ZNF316: variants seen among roughly 807,000 people sequenced by gnomAD.
The protein encoded by ZNF316 is zinc finger protein 316.
In ZNF316, 23 loss-of-function variants were observed where a neutral mutation model predicts 75.6. The observed-to-expected ratio is 0.30, with a 90% confidence interval of 0.22 to 0.43. The LOEUF is 0.43. ZNF316 is among the 20% of genes least tolerant of loss of function. The pLI is 1.00. For synonymous variants in ZNF316, 827 were observed against 666.2 expected, an observed-to-expected ratio of 1.24 and a Z score of -3.72; for missense variants, 1,266 against 1,409.4, an observed-to-expected ratio of 0.90 and a Z score of 1.63.
At position 6,653,772 on chromosome 7, in the gene ZNF316, A is replaced by G; in HGVS notation, c.2176A>G (p.Lys726Glu). The part of the protein sequence containing the change: ...ERPHRCADCG[K>E]SFVYGSHLAR... The stretch of plus-strand genomic sequence containing the variant: ...GCCGCATCGCTGCGCCGACTGCGGC[A>G]AGAGCTTCGTGTACGGCTCGCACCT... Residue 726 changes from lysine (K) to glutamate (E), a missense_variant, in exon 9 of 9, where the codon AAG becomes GAG. By Grantham distance (56) the Lys-to-Glu change is moderately conservative (BLOSUM62 1). Transcript: ENST00000382252. 9.2e-7 allele frequency: 1 copy of G among 1,087,220 alleles called. No individual in the cohort carries two copies. The highest frequency in any genetic ancestry group is 1.1e-6 in the Non-Finnish European group (1 of 893,876). 67.3% of individuals were successfully genotyped at this position (1,087,220 alleles called of 1,614,324 possible).
At position 6,657,692 on chromosome 7, in the gene ZNF316, C is replaced by G. The variant is rs1192501603; in HGVS notation, c.*3081C>G. On this transcript the variant is annotated 3_prime_UTR_variant, in exon 9 of 9. Transcript: ENST00000382252. ...AAAACTCTTGTCTCTATAAAAAATACAAAAATTAGCTGGGTGTGGTGGCGC... is the reference window on the plus strand; with the variant it reads ...AAAACTCTTGTCTCTATAAAAAATAGAAAAATTAGCTGGGTGTGGTGGCGC... 6.6e-6 allele frequency among the ~76,000 whole-genome samples: 1 copy of G among 151,744 alleles called. No individual in the cohort carries two copies. Among genetic ancestry groups the G allele is most frequent in the Non-Finnish European group, 1.5e-5 (1 of 67,956 alleles).
At chr7:6,645,433 C>G (rs1290414481) in intron 8 of ZNF316, among the ~76,000 whole-genome samples, 1 of 152,162 alleles carries the variant, frequency 6.6e-6, no homozygotes, top group Non-Finnish European at 1.5e-5. Flanking sequence ...CCTATAATCC[C>G]AGCACTTTGG....
rs745904288 is a variant in ZNF316 at position 6,642,459 on chromosome 7, G to A, written c.50G>A (p.Arg17Gln). Residue 17 changes from arginine (R) to glutamine (Q), a missense_variant, in exon 5 of 9, where the codon CGG (arginine) becomes CAG (glutamine). Physicochemically the swap from Arg to Gln is conservative, Grantham distance 43. Transcript: ENST00000382252. This position sits in a 1 kb window ranked among gnomAD's most constrained non-coding sequence, Gnocchi z 8.1. Reference protein sequence around the residue: ...TPDSPAAQLERAEDGSECDPD... With the variant: ...TPDSPAAQLEQAEDGSECDPD... ...GACTCCCCAGCTGCCCAGCTGGAGC[G>A]GGCAGAGGACGGGTCAGAGTGCGAC... 4.9e-5 allele frequency: 60 copies of A among 1,232,286 alleles called. No individual in the cohort carries two copies. The highest frequency in any genetic ancestry group is 6.2e-5 in the African/African-American group (4 of 64,408). 76.3% of individuals were successfully genotyped at this position (1,232,286 alleles called of 1,614,324 possible).
rs1779520427 is a variant in ZNF316 at position 6,652,288 on chromosome 7, C to T, written c.707-15C>T. The T allele has an allele frequency of 1.4e-5, 17 of 1,232,210 alleles. No homozygotes were observed. Among genetic ancestry groups the T allele is most frequent in the Non-Finnish European group, 1.6e-5 (16 of 988,070 alleles). The allele number at this position is 1,232,210 out of a possible 1,614,324, so 76.3% of individuals were successfully genotyped here. On this transcript the variant is annotated splice_polypyrimidine_tract_variant and intron_variant, in intron 8 of 8. Transcript: ENST00000382252. ...CACTTACCTCTCTCTTCTGGCCTGC[C>T]TTTGTCACCTTCAGGAGCCTGGTTC...
rs1443730062 is a variant in ZNF316, at chr7:6,653,565, G to T, written c.1969G>T (p.Gly657Trp). Residue 657 changes from glycine (G) to tryptophan (W), a missense_variant, in exon 9 of 9, where the codon GGG becomes TGG. By Grantham distance (184) the Gly-to-Trp change is radical. This residue lies in a region of ZNF316 where 961 missense variants were observed against 990.9 expected (regional missense o/e 0.97). Coordinates refer to ENST00000382252, the MANE Select transcript of ZNF316 (RefSeq NM_001278559.2). ...GGCGTGCGACCCTTTCGGCGGCGGC[G>T]GGGCCGCGGGCGGCGGAGGCGGCCT... ...GLACDPFGGG[G>W]AAGGGGGLRA... The T allele has an allele frequency of 1.2e-5, 14 of 1,137,490 alleles. No individual in the cohort carries two copies. The East Asian group carries it at 5.6e-4, about 46-fold the overall frequency. 70.5% of individuals were successfully genotyped at this position (1,137,490 alleles called of 1,614,324 possible).
In ZNF316 at chr7:6,652,362, C is replaced by T. The variant is rs1779521533; in HGVS notation, c.766C>T (p.Leu256=). The part of the protein sequence containing the change: ...DHEEEDDEDF[L]AEVAEEENEP... ...CGAGGAGGAAGACGACGAGGACTTC[C>T]TGGCGGAGGTGGCCGAGGAGGAGAA... The change falls in exon 9 of 9, where the codon CTG becomes TTG. Residue 256 remains leucine (L), a synonymous_variant. Transcript: ENST00000382252. 8.1e-7 allele frequency: 1 copy of T among 1,232,382 alleles called. No homozygotes were observed. Among genetic ancestry groups the T allele is most frequent in the Non-Finnish European group, 1.0e-6 (1 of 988,110 alleles). 76.3% of individuals were successfully genotyped at this position (1,232,382 alleles called of 1,614,324 possible). A position where few individuals can be genotyped will look rare whatever the true frequency, so the allele number is the denominator to read the frequency against.
At chr7:6,647,727 G>C (rs1714799852) in intron 8 of ZNF316, among the ~76,000 whole-genome samples, 1 of 152,260 alleles carries the variant, frequency 6.6e-6, no homozygotes, top group Non-Finnish European at 1.5e-5. Flanking sequence ...GATGGGCAGA[G>C]GTTGCCCAGG....
intron 8 of ZNF316, among the ~76,000 whole-genome samples, chr7:6,651,528 G>C (rs375232912): frequency 2.0e-5 from 3 of 152,026 alleles, no homozygotes; most frequent in Non-Finnish European, 4.4e-5. Context: ...GGTGCTGTGC[G>C]CCTGTAATCC....
chr7:6,646,620 G>A (rs917828351), intron 8 of ZNF316, among the ~76,000 whole-genome samples: 1 of 152,028 alleles, frequency 6.6e-6, no homozygotes, highest in African/African-American at 2.4e-5. Flanking sequence ...GATGCCCCCC[G>A]GCCCTGAGTG....
rs1779560697 is a variant in ZNF316 at position 6,653,620 on chromosome 7, T to C, written c.2024T>C (p.Leu675Pro). ...LRAFGPAIGG[L>P]LAEPAPAALA... Reference sequence around the variant, plus strand: ...GCGTTCGGGCCCGCCATCGGGGGTCTGCTGGCGGAGCCCGCGCCGGCCGCG... The same window carrying C: ...GCGTTCGGGCCCGCCATCGGGGGTCCGCTGGCGGAGCCCGCGCCGGCCGCG... Residue 675 changes from leucine (L) to proline (P), a missense_variant, in exon 9 of 9, where the codon CTG becomes CCG. Leu to Pro is a moderately conservative substitution (Grantham distance 98). Coordinates refer to ENST00000382252, the MANE Select transcript of ZNF316 (RefSeq NM_001278559.2). The C allele has an allele frequency of 5.6e-6, 6 of 1,062,028 alleles. No homozygotes were observed. The South Asian group carries it at 1.3e-4, about 23-fold the overall frequency. 65.8% of individuals were successfully genotyped at this position (1,062,028 alleles called of 1,614,324 possible).
rs1779243389 is a variant in ZNF316, at chr7:6,637,838, T to C, written c.-430-8T>C. On this transcript the variant is annotated splice_polypyrimidine_tract_variant and splice_region_variant and intron_variant, in intron 1 of 8. Transcript: ENST00000382252. This position sits in a 1 kb window ranked among gnomAD's most constrained non-coding sequence, Gnocchi z 6.2. ...CACACCCATCCAGGAGGGGCTGTCATCGTCTAGGTCTCTGCAGGAGGAGGC... is the reference window on the plus strand; with the variant it reads ...CACACCCATCCAGGAGGGGCTGTCACCGTCTAGGTCTCTGCAGGAGGAGGC... 6.6e-6 allele frequency: 1 copy of C among 151,824 alleles called. No individual in the cohort carries two copies. The highest frequency in any genetic ancestry group is 1.5e-5 in the Non-Finnish European group (1 of 67,932). The allele number at this position is 151,824 out of a possible 1,614,324, so 9.4% of individuals were successfully genotyped here.
rs1319096388 is a variant in ZNF316, at chr7:6,644,668, G to T, written c.706+75G>T. 1.9e-5 allele frequency: 15 copies of T among 772,154 alleles called. No individual in the cohort carries two copies. The South Asian group carries it at 9.3e-4, about 48-fold the overall frequency. 47.8% of individuals were successfully genotyped at this position (772,154 alleles called of 1,614,324 possible). A position where few individuals can be genotyped will look rare whatever the true frequency, so the allele number is the denominator to read the frequency against. On this transcript the variant is annotated intron_variant, in intron 8 of 8. Coordinates refer to ENST00000382252, the MANE Select transcript of ZNF316 (RefSeq NM_001278559.2). ...GTTGTCAAACTTTGGCCTTCACTGC[G>T]CTCTCTGCAGACCTGGTACCTGGTG...
chr7:6,652,547 G>T lies in ZNF316; in HGVS notation c.951G>T (p.Leu317=). ...LADGSEAKPF[L]PGREPGANLL... is the part of the protein sequence containing the mutation. ...ACGGCTCTGAAGCGAAGCCTTTCCTGCCCGGCCGGGAGCCGGGTGCGAACC... is the reference window on the plus strand; with the variant it reads ...ACGGCTCTGAAGCGAAGCCTTTCCTTCCCGGCCGGGAGCCGGGTGCGAACC... The change falls in exon 9 of 9, where the codon CTG becomes CTT. Residue 317 remains leucine (L), a synonymous_variant. Coordinates refer to ENST00000382252, the MANE Select transcript of ZNF316 (RefSeq NM_001278559.2). The T allele has an allele frequency of 4.1e-6, 5 of 1,231,090 alleles. No individual in the cohort carries two copies. The highest frequency in any genetic ancestry group is 6.2e-4 in the Middle Eastern group (2 of 3,208). 76.3% of individuals were successfully genotyped at this position (1,231,090 alleles called of 1,614,324 possible).
chr7:6,648,983 C>G (rs1222307278), intron 8 of ZNF316, among the ~76,000 whole-genome samples: 1 of 152,186 alleles, frequency 6.6e-6, no homozygotes, highest in East Asian at 1.9e-4. Context: ...CAGCCCTGAG[C>G]CTTTCATTCA....
intron 8 of ZNF316, among the ~76,000 whole-genome samples, chr7:6,649,819 G>A (rs1779475414): frequency 6.6e-6 from 1 of 152,194 alleles, no homozygotes; most frequent in South Asian, 2.1e-4. Context: ...CTCCAGAGCT[G>A]GCGGGGGGTG....
Position 6,654,620 on chromosome 7 carries a change from G to T in ZNF316, c.*9G>T. On this transcript the variant is annotated 3_prime_UTR_variant, in exon 9 of 9. Transcript: ENST00000382252. ...GGGAGGGCGTCCTGTGAGGGGCCCG[G>T]GGCCGACAGCAGCGCAGCCTGCAGG... is the stretch of plus-strand genomic sequence containing the variant. 1 of 1,185,030 alleles carries T rather than the reference G, an allele frequency of 8.4e-7. No homozygotes were observed. Among genetic ancestry groups the T allele is most frequent in the South Asian group, 4.2e-5 (1 of 23,920 alleles). 73.4% of individuals were successfully genotyped at this position (1,185,030 alleles called of 1,614,324 possible). A position where few individuals can be genotyped will look rare whatever the true frequency, so the allele number is the denominator to read the frequency against.
In ZNF316 at chr7:6,654,148, G is replaced by A; in HGVS notation, c.2552G>A (p.Arg851His). Residue 851 changes from arginine (R) to histidine (H), a missense_variant, in exon 9 of 9, where the codon CGC becomes CAC. Physicochemically the swap from Arg to His is conservative, Grantham distance 29. Coordinates refer to ENST00000382252, the MANE Select transcript of ZNF316 (RefSeq NM_001278559.2). ...AGCTCGGACTTCAAGCGGCATCGGC[G>A]CACGCACACGGGCGAGAAGCCCTTC... is the stretch of plus-strand genomic sequence containing the variant. ...GHSSDFKRHRRTHTGEKPFRC... is the reference protein window; with the variant it reads ...GHSSDFKRHRHTHTGEKPFRC... 8.2e-7 allele frequency: 1 copy of A among 1,221,436 alleles called. No individual in the cohort carries two copies. Among genetic ancestry groups the A allele is most frequent in the Non-Finnish European group, 1.0e-6 (1 of 980,442 alleles). The allele number at this position is 1,221,436 out of a possible 1,614,324, so 75.7% of individuals were successfully genotyped here.
At chr7:6,644,827 G>A (rs765697522) in intron 8 of ZNF316, among the ~76,000 whole-genome samples, 4 of 152,194 alleles carry the variant, frequency 2.6e-5, no homozygotes, top group Non-Finnish European at 4.4e-5. Flanking sequence ...CCTGCCCTGC[G>A]TTGGAGCCTG....
At chr7:6,644,346 C>T (rs1779360773) in intron 7 of ZNF316, 134 bp from the exon 8 acceptor site, 2 of 443,554 alleles carry the variant, frequency 4.5e-6, no homozygotes, top group Non-Finnish European at 7.4e-6. Context: ...CTGGACCCTC[C>T]AGAGCAGGGG....
Sources: gnomAD v4.1 joint callset for allele counts (sites outside exome capture counted in the v4.1 genomes callset) on GRCh38, gnomAD v4.1.1 for gene constraint, gnomAD v4.1.1 regional missense constraint, Gnocchi (gnomAD v3.1) non-coding constraint, MANE v1.5 for transcripts, NCBI Gene and HGNC (gene_info 2026-07-23, HGNC 2026-07-21) for gene names.